The following RSRC1 variants were observed in gnomAD, a reference collection of about 807,000 sequenced individuals.
The protein encoded by RSRC1 is serine/Arginine-related protein 53.
RSRC1 carries 39 observed loss-of-function variants against 49.1 expected under a neutral mutation model. That is an observed-to-expected ratio of 0.79 (90% CI 0.61 to 1.04). RSRC1 has a LOEUF of 1.04. Ranked by LOEUF, RSRC1 falls within the 50% of genes least tolerant of loss-of-function variation. The pLI is 0.00. For synonymous variants in RSRC1, 143 were observed against 130.8 expected (o/e 1.09, Z -0.63); for missense variants, 388 against 402.4 (o/e 0.96, Z 0.31).
chr3:158,448,244 A>G (rs1736830276), intron 6 of RSRC1, among the ~76,000 whole-genome samples: 1 of 144,534 alleles, frequency 6.9e-6, no homozygotes, highest in African/African-American at 2.4e-5. Context: ...ACAATCCAGT[A>G]GTGCCTTTCT....
chr3:158,163,044 C>T (rs1015788247), intron 3 of RSRC1, among the ~76,000 whole-genome samples: 3 of 152,182 alleles, frequency 2.0e-5, no homozygotes, highest in African/African-American at 7.2e-5. Flanking sequence ...ATCCTGCACC[C>T]CTAGGCTGGA....
At chr3:158,201,524 G>T (rs552553534) in intron 3 of RSRC1, among the ~76,000 whole-genome samples, 1 of 152,080 alleles carries the variant, frequency 6.6e-6, no homozygotes, top group African/African-American at 2.4e-5. Flanking sequence ...ACAGATCCCT[G>T]AGGGGCTTTC....
intron 7 of RSRC1, among the ~76,000 whole-genome samples, chr3:158,515,544 T>C (rs1301064231): frequency 7.4e-6 from 1 of 135,568 alleles, no homozygotes; most frequent in Admixed American, 7.5e-5. Flanking sequence ...TTTTCCTTCA[T>C]TTCAACTTTG....
chr3:158,286,274 A>C (rs567724057), intron 4 of RSRC1, among the ~76,000 whole-genome samples: 1 of 152,176 alleles, frequency 6.6e-6, no homozygotes, highest in Non-Finnish European at 1.5e-5. Context: ...TCCCTTGACT[A>C]AAGTTTGGGA....
At chr3:158,112,526 G>C (rs1015762027) in intron 1 of RSRC1, among the ~76,000 whole-genome samples, 2 of 152,006 alleles carry the variant, frequency 1.3e-5, no homozygotes, top group Non-Finnish European at 2.9e-5. Context: ...AAAGAAATAT[G>C]GTGACCTTTT....
At chr3:158,312,743 C>T (rs1001061799) in intron 5 of RSRC1, among the ~76,000 whole-genome samples, 16 of 152,222 alleles carry the variant, frequency 1.1e-4, no homozygotes, top group African/African-American at 3.6e-4. Flanking sequence ...CACTGAAATA[C>T]CATATCTTGC....
chr3:158,407,351 A>T (rs1207275346), intron 6 of RSRC1, among the ~76,000 whole-genome samples: 1 of 152,190 alleles, frequency 6.6e-6, no homozygotes, highest in Non-Finnish European at 1.5e-5. Context: ...TATGCCTTTT[A>T]AAAAATTAAT....
intron 6 of RSRC1, among the ~76,000 whole-genome samples, chr3:158,404,659 A>C (rs1459600709): frequency 2.0e-5 from 3 of 151,936 alleles, no homozygotes; most frequent in Non-Finnish European, 4.4e-5. Context: ...TTGAAGTAGA[A>C]ACTCATTTCT....
chr3:158,434,692 C>A (rs1735952725), intron 6 of RSRC1, among the ~76,000 whole-genome samples: 1 of 151,900 alleles, frequency 6.6e-6, no homozygotes, highest in Non-Finnish European at 1.5e-5. Flanking sequence ...CTCATTACAC[C>A]TGTAAGAAAT....
intron 4 of RSRC1, among the ~76,000 whole-genome samples, chr3:158,291,693 G>A (rs1262519548): frequency 6.6e-6 from 1 of 152,050 alleles, no homozygotes; most frequent in Admixed American, 6.6e-5. Context: ...TCATCAGAAA[G>A]AATAGTATTT....
intron 7 of RSRC1, among the ~76,000 whole-genome samples, chr3:158,493,502 C>T (rs1978779): frequency 0.52 from 78,413 of 151,876 alleles, 20,752 homozygotes; most frequent in African/African-American, 0.63. Context: ...GCTCTATACC[C>T]GAGTCAAATT....
At position 158,469,087 on chromosome 3, in the gene RSRC1, A is replaced by G. The variant is rs374703369; in HGVS notation, c.652+8084A>G. On this transcript the variant is annotated intron_variant, in intron 7 of 9. Coordinates refer to ENST00000611884, the MANE Select transcript of RSRC1 (RefSeq NM_001271838.2). ...CACACAAAAAACTTTGATTTTGTCC[A>G]TCTGTTTACTCTGACAGGTATCACC... 1.1e-3 allele frequency among the ~76,000 whole-genome samples: 167 copies of G among 152,188 alleles called. 1 individual carries two copies. The highest frequency in any genetic ancestry group is 3.8e-3 in the African/African-American group (157 of 41,556).
intron 6 of RSRC1, 43 bp from the exon 7 acceptor site, chr3:158,460,892 T>C (rs1309894258): frequency 8.3e-6 from 11 of 1,328,376 alleles, no homozygotes; most frequent in Non-Finnish European, 9.4e-6. Context: ...ACTTTGAATA[T>C]AGGCATAAAA....
At chr3:158,457,344 T>C (rs1243928041) in intron 6 of RSRC1, among the ~76,000 whole-genome samples, 2 of 152,042 alleles carry the variant, frequency 1.3e-5, no homozygotes, top group Non-Finnish European at 2.9e-5. Flanking sequence ...TGAAGGAAAA[T>C]GTTGCAGAGG....
At chr3:158,409,678 C>T (rs1207563665) in intron 6 of RSRC1, among the ~76,000 whole-genome samples, 1 of 152,104 alleles carries the variant, frequency 6.6e-6, no homozygotes, top group Non-Finnish European at 1.5e-5. Context: ...CTCCTGAGAG[C>T]TATTGCCTAT....
intron 7 of RSRC1, among the ~76,000 whole-genome samples, chr3:158,523,171 GAA>G (rs1181898195): frequency 9.2e-5 from 14 of 151,988 alleles, no homozygotes; most frequent in Non-Finnish European, 4.4e-5. Context: ...AGCAAACTAT[GAA>G]AAGTCTCTTA....
chr3:158,457,047 T>C (rs1056567140), intron 6 of RSRC1, among the ~76,000 whole-genome samples: 1 of 152,120 alleles, frequency 6.6e-6, no homozygotes, highest in Non-Finnish European at 1.5e-5. Flanking sequence ...TTATTGAACA[T>C]ATCTGTGTCC....
chr3:158,489,855 CCTT>C (rs1286645822), intron 7 of RSRC1, among the ~76,000 whole-genome samples: 4 of 151,940 alleles, frequency 2.6e-5, no homozygotes, highest in African/African-American at 7.3e-5. Flanking sequence ...ATCTTACTAA[CCTT>C]CTGAAAGATA....
At chr3:158,300,048 A>G (rs1230646198) in intron 5 of RSRC1, among the ~76,000 whole-genome samples, 1 of 152,190 alleles carries the variant, frequency 6.6e-6, no homozygotes, top group Admixed American at 6.5e-5. Flanking sequence ...GAATAATTGT[A>G]TATTAATTAT....
Sources: gnomAD v4.1 joint callset for allele counts (sites outside exome capture counted in the v4.1 genomes callset) on GRCh38, gnomAD v4.1.1 for gene constraint, MANE v1.5 for transcripts, NCBI Gene and HGNC (gene_info 2026-07-23, HGNC 2026-07-21) for gene names.